ALDH9A1: variants seen among roughly 807,000 people sequenced by gnomAD.
ALDH9A1 encodes aldehyde dehydrogenase 9 family member A1.
Under a neutral mutation model 56.6 loss-of-function variants are expected in ALDH9A1, and 42 were observed. That is an observed-to-expected ratio of 0.74 (90% confidence interval 0.58 to 0.96). The LOEUF (loss-of-function observed/expected upper bound fraction) is 0.96, where lower values mean the gene tolerates loss of function less well. Among genes scored for constraint, ALDH9A1 ranks in the 40% least tolerant of loss-of-function variants. The pLI is 0.00. For missense variants in ALDH9A1, 661 were observed against 651.5 expected, an observed-to-expected ratio of 1.01 and a Z score of -0.16; for synonymous variants, 242 against 236.0, an observed-to-expected ratio of 1.03 and a Z score of -0.23.
intron 4 of ALDH9A1, among the ~76,000 whole-genome samples, chr1:165,680,963 T>C (rs1455737526): frequency 5.3e-5 from 8 of 152,116 alleles, no homozygotes; most frequent in Admixed American, 5.2e-4. Context: ...ACTTCTTACA[T>C]TGGCGGCAGG....
At chr1:165,688,763 C>G (rs10800131) in intron 2 of ALDH9A1, among the ~76,000 whole-genome samples, 1 of 151,992 alleles carries the variant, frequency 6.6e-6, no homozygotes, top group African/African-American at 2.4e-5. Context: ...TAAAAGAAAA[C>G]TGAGGGCTAA....
intron 6 of ALDH9A1, among the ~76,000 whole-genome samples, chr1:165,675,469 T>C (rs1649329296): frequency 6.6e-6 from 1 of 152,192 alleles, no homozygotes; most frequent in Middle Eastern, 3.4e-3. Flanking sequence ...TACCTATTCA[T>C]TTGTGGAAAA....
chr1:165,681,089 C>T (rs1215008446), intron 4 of ALDH9A1, among the ~76,000 whole-genome samples: 1 of 152,284 alleles, frequency 6.6e-6, no homozygotes, highest in East Asian at 1.9e-4. Context: ...GATTCAATTA[C>T]CTCCCCCTGG....
At chr1:165,677,857 C>CAA (rs35531113) in intron 6 of ALDH9A1, among the ~76,000 whole-genome samples, 116 of 87,118 alleles carry the variant, frequency 1.3e-3, no homozygotes, top group African/African-American at 4.9e-3. Flanking sequence ...GACTCTGTCT[C>CAA]AAAAAAAAAA....
intron 6 of ALDH9A1, among the ~76,000 whole-genome samples, chr1:165,670,581 T>C (rs1192823333): frequency 6.6e-6 from 1 of 152,068 alleles, no homozygotes. Flanking sequence ...GCATGGCAAA[T>C]ACCTTAAACT....
Position 165,669,427 on chromosome 1 carries a change from T to C in ALDH9A1, c.954A>G (p.Val318=). The part of the protein sequence containing the change: ...QGQVCCNGTR[V]FVQKEILDKF... ...TATCAAGAATTTCTTTCTGCACAAA[T>C]ACTCTTGTGCCATTACAGCAAACCT... The change falls in exon 7 of 11, where the codon GTA becomes GTG. Residue 318 remains valine, a synonymous_variant. Transcript: ENST00000354775. 6.2e-7 allele frequency: 1 copy of C among 1,613,484 alleles called. No homozygotes were observed. The highest frequency in any genetic ancestry group is 8.5e-7 in the Non-Finnish European group (1 of 1,179,726).
intron 2 of ALDH9A1, among the ~76,000 whole-genome samples, chr1:165,689,605 T>A (rs1415951879): frequency 6.6e-6 from 1 of 152,092 alleles, no homozygotes; most frequent in East Asian, 1.9e-4. Context: ...TCTCATCCCA[T>A]CCCCTCACTC....
In ALDH9A1 at chr1:165,680,455, T is replaced by A. The variant is rs149264874; in HGVS notation, c.789+32A>T. The A allele has an allele frequency of 1.8e-4, 297 of 1,606,624 alleles. 1 individual carries two copies. In the African/African-American group the frequency reaches 3.6e-3, roughly 19 times the overall value. On this transcript the variant is annotated intron_variant, in intron 5 of 10. Coordinates refer to ENST00000354775, the MANE Select transcript of ALDH9A1 (RefSeq NM_000696.4). ...CCGGATTTGCCACATCCAAATGCCATGTGTGTTGACCAATACTGGTTTTGT... is the reference window on the plus strand; with the variant it reads ...CCGGATTTGCCACATCCAAATGCCAAGTGTGTTGACCAATACTGGTTTTGT...
chr1:165,669,272 G>A lies in ALDH9A1; in HGVS notation c.1109C>T (p.Ala370Val). ...LERVLGFVKV[A>V]KEQGAKVLCG... Reference sequence around the variant, plus strand: ...CCAATTATTTCTTACCTGCTCCTTTGCCACTTTGACAAACCCAAGGACTCG... The same window carrying A: ...CCAATTATTTCTTACCTGCTCCTTTACCACTTTGACAAACCCAAGGACTCG... The change falls in exon 7 of 11, where the codon GCA (alanine) becomes GTA (valine). Residue 370 changes from alanine (A) to valine (V), a missense_variant. Coordinates refer to ENST00000354775, the MANE Select transcript of ALDH9A1 (RefSeq NM_000696.4). 2 of 1,603,146 alleles carry A rather than the reference G, an allele frequency of 1.2e-6. No homozygotes were observed. The highest frequency in any genetic ancestry group is 1.7e-6 in the Non-Finnish European group (2 of 1,175,608).
At chr1:165,664,132 C>T (rs941056684) in intron 10 of ALDH9A1, among the ~76,000 whole-genome samples, 1 of 152,142 alleles carries the variant, frequency 6.6e-6, no homozygotes. Context: ...CCTCTGAGTA[C>T]CCCACCGGGA....
At chr1:165,679,718 CT>C in intron 5 of ALDH9A1, 136 bp from the exon 6 acceptor site, 1 of 917,512 alleles carries the variant, frequency 1.1e-6, no homozygotes, top group Non-Finnish European at 1.7e-6. Flanking sequence ...TATCCTTTGC[CT>C]TTTGGCTATT....
At chr1:165,698,230 T>C (rs895735209) in intron 1 of ALDH9A1, 148 bp downstream of exon 1, 19 of 1,381,420 alleles carry the variant, frequency 1.4e-5, no homozygotes, top group African/African-American at 3.1e-5. Context: ...CCAGAATCGC[T>C]AGTTGCCTAC....
At chr1:165,695,120 G>A (rs2101760139) in intron 2 of ALDH9A1, 132 bp downstream of exon 2, 1 of 1,011,706 alleles carries the variant, frequency 9.9e-7, no homozygotes, top group Non-Finnish European at 1.4e-6. Context: ...ATACTAAGGT[G>A]AGCATGTGGA....
At chr1:165,697,815 G>A (rs112584806) in intron 1 of ALDH9A1, among the ~76,000 whole-genome samples, 2,631 of 152,236 alleles carry the variant, frequency 0.017, 66 homozygotes, top group African/African-American at 0.06. Context: ...GATCACCTAA[G>A]CTCAGGAGTT....
intron 6 of ALDH9A1, 35 bp from the exon 7 acceptor site, chr1:165,669,485 G>A (rs1214991387): frequency 6.6e-7 from 1 of 1,519,292 alleles, no homozygotes; most frequent in African/African-American, 1.4e-5. Flanking sequence ...ATTTCTATGT[G>A]TGTAAGGAGA....
chr1:165,668,300 A>T (rs142664951), intron 8 of ALDH9A1, among the ~76,000 whole-genome samples: 5 of 152,200 alleles, frequency 3.3e-5, no homozygotes, highest in African/African-American at 1.2e-4. Context: ...TCCCTCATGA[A>T]CGGTTTGATG....
intron 9 of ALDH9A1, among the ~76,000 whole-genome samples, chr1:165,665,408 A>C (rs1298310032): frequency 6.6e-6 from 1 of 152,226 alleles, no homozygotes; most frequent in Non-Finnish European, 1.5e-5. Flanking sequence ...AAACAAGTGG[A>C]TATCTACATG....
rs771900076 is a variant in ALDH9A1, at chr1:165,698,480, T to G, written c.79A>C (p.Thr27Pro). 1.9e-6 allele frequency: 3 copies of G among 1,608,774 alleles called. No homozygotes were observed. Among genetic ancestry groups the G allele is most frequent in the Non-Finnish European group, 2.5e-6 (3 of 1,177,938 alleles). The change falls in exon 1 of 11, where the codon ACT (threonine) becomes CCT (proline). Residue 27 changes from threonine to proline, a missense_variant. Physicochemically the swap from Thr to Pro is conservative, Grantham distance 38. Coordinates refer to ENST00000354775, the MANE Select transcript of ALDH9A1 (RefSeq NM_000696.4). ...LRPSPVAAMS[T>P]GTFVVSQPLN... ...GGCTGCGACACGACGAAGGTGCCAG[T>G]GCTCATGGCGGCGACAGGAGAGGGC... is the stretch of plus-strand genomic sequence containing the variant.
At chr1:165,676,483 G>A in intron 6 of ALDH9A1, 1 of 274,114 alleles carries the variant, frequency 3.6e-6, no homozygotes, top group Non-Finnish European at 6.9e-6. Context: ...CATTACCTGG[G>A]AAAAACTGGA....
Sources: allele counts gnomAD v4.1 joint callset (sites outside exome capture counted in the v4.1 genomes callset), GRCh38; gene constraint gnomAD v4.1.1; transcripts MANE v1.5; gene names NCBI Gene and HGNC (gene_info 2026-07-23, HGNC 2026-07-21).